The following MCPH1 variants were observed in gnomAD, a reference collection of about 807,000 sequenced individuals.
MCPH1 encodes microcephalin 1, also known as microcephalin.
In MCPH1, 104 loss-of-function variants were observed where a neutral mutation model predicts 84.5. That is an observed-to-expected ratio of 1.23 (90% CI 1.05 to 1.45). The LOEUF (loss-of-function observed/expected upper bound fraction) is 1.45, where lower values mean the gene tolerates loss of function less well. Ranked by LOEUF, MCPH1 falls within the 40% of genes most tolerant of loss-of-function variation. The pLI, the probability that MCPH1 is intolerant of heterozygous loss-of-function variation, is 0.00. For synonymous variants in MCPH1, 514 were observed against 366.8 expected, an observed-to-expected ratio of 1.40 and a Z score of -4.58; for missense variants, 1,498 against 1,005.7, an observed-to-expected ratio of 1.49 and a Z score of -6.62.
intron 12 of MCPH1, among the ~76,000 whole-genome samples, chr8:6,570,806 T>G (rs796641927): frequency 7.6e-5 from 8 of 105,614 alleles, no homozygotes; most frequent in East Asian, 5.4e-4. Flanking sequence ...GATTGTTGTT[T>G]TTTTTTTTTT....
At chr8:6,626,474 G>GTTTTTTTTTTTTTTT (rs71213328) in intron 13 of MCPH1, 209 of 923,998 alleles carry the variant, frequency 2.3e-4, no homozygotes, top group East Asian at 9.4e-4. Flanking sequence ...TTTTTGTTTT[G>GTTTTTTTTTTTTTTT]TTTTTTTTTT....
At chr8:6,416,214 T>C (rs1799268738) in intron 3 of MCPH1, among the ~76,000 whole-genome samples, 1 of 152,220 alleles carries the variant, frequency 6.6e-6, no homozygotes, top group Non-Finnish European at 1.5e-5. Context: ...CTATATGCAA[T>C]GTTGTGTAAT....
intron 9 of MCPH1, among the ~76,000 whole-genome samples, chr8:6,476,509 T>C (rs1487190628): frequency 6.6e-6 from 1 of 151,140 alleles, no homozygotes; most frequent in Admixed American, 6.6e-5. Context: ...TTTACTCAGA[T>C]GTGTACTTCC....
chr8:6,588,366 T>C (rs1165485201), intron 12 of MCPH1, among the ~76,000 whole-genome samples: 1 of 151,252 alleles, frequency 6.6e-6, no homozygotes, highest in Admixed American at 6.6e-5. Flanking sequence ...AAGTGTAAAA[T>C]GGGACTGCAA....
intron 13 of MCPH1, among the ~76,000 whole-genome samples, chr8:6,634,146 G>T (rs1432800471): frequency 6.6e-6 from 1 of 152,156 alleles, no homozygotes; most frequent in Admixed American, 6.5e-5. Context: ...TAGATCTGAA[G>T]GCATCACACT....
intron 9 of MCPH1, among the ~76,000 whole-genome samples, chr8:6,467,838 T>A (rs61011343): frequency 0.016 from 2,484 of 152,280 alleles, 69 homozygotes; most frequent in African/African-American, 0.057. Context: ...CCTCAAACCA[T>A]CCACTCGCCT....
chr8:6,635,957 CTG>C (rs1272781948), intron 13 of MCPH1, among the ~76,000 whole-genome samples: 1 of 152,194 alleles, frequency 6.6e-6, no homozygotes, highest in Non-Finnish European at 1.5e-5. Context: ...TAAGTCTTCA[CTG>C]TGTTAATGGC....
intron 3 of MCPH1, among the ~76,000 whole-genome samples, chr8:6,423,202 TTTTTTGAAACTGAGTC>T: frequency 6.8e-6 from 1 of 146,008 alleles, no homozygotes; most frequent in African/African-American, 2.6e-5. Context: ...TTTTTTTTTT[TTTTTTGAAACTGAGTC>T]TCGCTCTGTC....
At chr8:6,436,678 GAA>G (rs1305215429) in intron 5 of MCPH1, among the ~76,000 whole-genome samples, 4 of 151,004 alleles carry the variant, frequency 2.6e-5, no homozygotes, top group African/African-American at 9.7e-5. Context: ...TTATATATAA[GAA>G]TATTATGGGC....
At chr8:6,452,536 T>A (rs939668827) in intron 8 of MCPH1, among the ~76,000 whole-genome samples, 4 of 152,220 alleles carry the variant, frequency 2.6e-5, no homozygotes, top group African/African-American at 9.7e-5. Context: ...CCAAATTGTG[T>A]CCTTTGACCC....
chr8:6,508,589 A>G (rs1814271771), intron 12 of MCPH1: 1 of 444,628 alleles, frequency 2.2e-6, no homozygotes, highest in Non-Finnish European at 3.9e-6. Context: ...GGAATTTTTA[A>G]CTTTTTACAT....
intron 12 of MCPH1, chr8:6,562,931 A>T: frequency 3.2e-6 from 5 of 1,583,964 alleles, no homozygotes; most frequent in Non-Finnish European, 4.3e-6. Context: ...ACAATCTGCC[A>T]CATTCTTTCT....
At chr8:6,494,274 C>T (rs1810994063) in intron 11 of MCPH1, 1 of 152,174 alleles carries the variant, frequency 6.6e-6, no homozygotes, top group East Asian at 1.9e-4. Flanking sequence ...TTCAGCTCTT[C>T]CTCAATTCAT....
chr8:6,597,751 C>T (rs983348897), intron 12 of MCPH1, among the ~76,000 whole-genome samples: 4 of 152,234 alleles, frequency 2.6e-5, no homozygotes, highest in African/African-American at 9.7e-5. Flanking sequence ...ATCCTCACAC[C>T]TCACTGCGCC....
chr8:6,512,587 C>G (rs1447461509), intron 12 of MCPH1, among the ~76,000 whole-genome samples: 1 of 152,198 alleles, frequency 6.6e-6, no homozygotes, highest in East Asian at 1.9e-4. Context: ...CACAGTCTCA[C>G]TTCTCTGCCC....
chr8:6,409,130 C>G (rs371773028), intron 1 of MCPH1, 149 bp from the exon 2 acceptor site: 1 of 700,618 alleles, frequency 1.4e-6, no homozygotes. Context: ...CGTGGATCCA[C>G]CCACTTCCGC....
chr8:6,532,445 C>G (rs142110344), intron 12 of MCPH1: 7 of 1,613,926 alleles, frequency 4.3e-6, no homozygotes, highest in African/African-American at 1.3e-5. Context: ...TGCTGTATCT[C>G]TACCATTTCT....
chr8:6,520,210 T>C (rs1436007096), intron 12 of MCPH1, among the ~76,000 whole-genome samples: 1 of 152,262 alleles, frequency 6.6e-6, no homozygotes, highest in East Asian at 1.9e-4. Flanking sequence ...ATTAATTCCA[T>C]GTAATTAAAA....
At chr8:6,584,721 A>G (rs548696000) in intron 12 of MCPH1, among the ~76,000 whole-genome samples, 13 of 152,344 alleles carry the variant, frequency 8.5e-5, no homozygotes, top group East Asian at 1.9e-4. Context: ...TGACTCTACA[A>G]TAAAATGGGC....
Sources: gnomAD v4.1 joint callset for allele counts (sites outside exome capture counted in the v4.1 genomes callset) on GRCh38, gnomAD v4.1.1 for gene constraint, MANE v1.5 for transcripts, NCBI Gene and HGNC (gene_info 2026-07-23, HGNC 2026-07-21) for gene names.